Variants in PAX8 observed in about 807,000 individuals in gnomAD.
The protein encoded by PAX8 is paired box protein Pax-8.
A neutral mutation model predicts 52.4 loss-of-function variants in PAX8; 15 were observed. The ratio of observed to expected loss-of-function variants is 0.29; its 90% confidence interval spans 0.19 to 0.44. The LOEUF is 0.44. Ranked by LOEUF, PAX8 falls within the 20% of genes least tolerant of loss-of-function variation. PAX8 has a pLI of 1.00. For synonymous variants in PAX8, 284 were observed against 249.7 expected (o/e 1.14, Z -1.29); for missense variants, 554 against 602.5 (o/e 0.92, Z 0.84).
chr2:113,276,146 G>A (rs1340021030), intron 2 of PAX8: 1 of 152,186 alleles, frequency 6.6e-6, no homozygotes, highest in African/African-American at 2.4e-5. Context: ...GAGAGATAAT[G>A]GGCTTGTAAA....
intron 2 of PAX8, among the ~76,000 whole-genome samples, chr2:113,251,561 G>A (rs935606028): frequency 1.1e-4 from 17 of 152,162 alleles, no homozygotes; most frequent in Admixed American, 1.1e-3. Context: ...AGCTTTCCTG[G>A]GGTCAGAGAG....
chr2:113,226,305 G>A, intron 10 of PAX8: 1 of 985,550 alleles, frequency 1.0e-6, no homozygotes, highest in Non-Finnish European at 1.2e-6. Flanking sequence ...TGTGTTCAGA[G>A]CTCTTTCCAG....
At chr2:113,227,010 AAGG>A in intron 10 of PAX8, 142 bp downstream of exon 10, 1 of 1,530,450 alleles carries the variant, frequency 6.5e-7, no homozygotes, top group Non-Finnish European at 8.8e-7. Context: ...AGGCATTTAC[AAGG>A]AGATGCCCTC....
Sources: allele counts gnomAD v4.1 joint callset (sites outside exome capture counted in the v4.1 genomes callset), GRCh38; gene constraint gnomAD v4.1.1; transcripts MANE v1.5; gene names NCBI Gene and HGNC (gene_info 2026-07-23, HGNC 2026-07-21).